Variants in SMAD2 observed in about 807,000 individuals in gnomAD.
The protein encoded by SMAD2 is SMAD family member 2.
A neutral mutation model predicts 64.4 loss-of-function variants in SMAD2; 8 were observed. The ratio of observed to expected loss-of-function variants is 0.12; its 90% CI spans 0.07 to 0.22. SMAD2 has a LOEUF of 0.22. Among genes scored for constraint, SMAD2 ranks in the 10% least tolerant of loss-of-function variants. The pLI is 1.00. For synonymous variants in SMAD2, 203 were observed against 195.8 expected, an observed-to-expected ratio of 1.04 and a Z score of -0.31; for missense variants, 289 against 561.2, an observed-to-expected ratio of 0.51 and a Z score of 4.90.
intron 1 of SMAD2, among the ~76,000 whole-genome samples, chr18:47,926,956 T>G (rs955828926): frequency 6.6e-6 from 1 of 152,146 alleles, no homozygotes; most frequent in East Asian, 1.9e-4. Flanking sequence ...GGTAGTAAAT[T>G]GCCCAGTATT....
Position 47,850,330 on chromosome 18 carries a change from TAA to T in SMAD2, c.784+942_784+943del, listed in dbSNP as rs1491292670. ...ATGTATGTTATATACATATTATGTATAATATATGTTATATATATTATACATAA... is the reference window on the plus strand; with the variant it reads ...ATGTATGTTATATACATATTATGTATTATATGTTATATATATTATACATAA... On this transcript the variant is annotated intron_variant, in intron 7 of 10. Coordinates refer to ENST00000262160, the MANE Select transcript of SMAD2 (RefSeq NM_005901.6). Among the ~76,000 whole-genome samples, 30 of 47,596 alleles carry T rather than the reference TAA, an allele frequency of 6.3e-4. 8 individuals are homozygous for T. The highest frequency in any genetic ancestry group is 3.0e-3 in the African/African-American group (30 of 10,058). The allele number at this position is 47,596 out of a possible 152,430, so 31.2% of individuals were successfully genotyped here. A position where few individuals can be genotyped will look rare whatever the true frequency, so the allele number is the denominator to read the frequency against.
intron 1 of SMAD2, among the ~76,000 whole-genome samples, chr18:47,928,563 C>T (rs562043742): frequency 6.6e-6 from 1 of 152,330 alleles, no homozygotes; most frequent in South Asian, 2.1e-4. Context: ...AGTTAAAACA[C>T]ATACCAAGCC....
intron 7 of SMAD2, among the ~76,000 whole-genome samples, chr18:47,850,375 A>T (rs1300712286): frequency 4.3e-5 from 1 of 23,070 alleles, no homozygotes; most frequent in South Asian, 1.5e-3. Context: ...AATATATATT[A>T]TATATATTAT....
rs1025166126 is a variant in SMAD2, at chr18:47,837,933, T to C, written c.*3894A>G. 2.2e-5 allele frequency: 5 copies of C among 232,554 alleles called. No individual in the cohort carries two copies. Among genetic ancestry groups the C allele is most frequent in the African/African-American group, 1.1e-4 (5 of 45,282 alleles). 14.4% of individuals were successfully genotyped at this position (232,554 alleles called of 1,614,324 possible). ...TCTTGTGTTACTTTATATCCCAACA[T>C]AAACCTACGCCACCCTCAGACGAAG... On this transcript the variant is annotated 3_prime_UTR_variant, in exon 11 of 11. Coordinates refer to ENST00000262160, the MANE Select transcript of SMAD2 (RefSeq NM_005901.6).
chr18:47,863,898 T>A (rs945060940), intron 6 of SMAD2, among the ~76,000 whole-genome samples: 34 of 152,130 alleles, frequency 2.2e-4, no homozygotes, highest in African/African-American at 7.5e-4. Flanking sequence ...CTACTAGCGA[T>A]ATATGAGGAC....
chr18:47,835,332 TTTAA>T lies in SMAD2; in HGVS notation c.*6491_*6494del, dbSNP rs1217791143. On this transcript the variant is annotated 3_prime_UTR_variant, in exon 11 of 11. Coordinates refer to ENST00000262160, the MANE Select transcript of SMAD2 (RefSeq NM_005901.6). ...TCATGTGTGAATTATTTCTCACAAT[TTTAA>T]TTAATCTGTGTGTATATTAGTTATA... 1 of 204,586 alleles carries T rather than the reference TTTAA, an allele frequency of 4.9e-6. No individual in the cohort carries two copies. The highest frequency in any genetic ancestry group is 1.0e-5 in the Non-Finnish European group (1 of 99,870). The allele number at this position is 204,586 out of a possible 1,614,324, so 12.7% of individuals were successfully genotyped here.
rs1955670037 is a variant in SMAD2, at chr18:47,837,528, C to T, written c.*4299G>A. 3 of 214,960 alleles carry T rather than the reference C, an allele frequency of 1.4e-5. No homozygotes were observed. Among genetic ancestry groups the T allele is most frequent in the Admixed American group, 1.3e-4 (2 of 15,324 alleles). 13.3% of individuals were successfully genotyped at this position (214,960 alleles called of 1,614,324 possible). Reference sequence around the variant, plus strand: ...AGTGAACCAAGATCGCACCACTGCACTCCAGGTTGGGCAACAGAGCGAGAC... The same window carrying T: ...AGTGAACCAAGATCGCACCACTGCATTCCAGGTTGGGCAACAGAGCGAGAC... On this transcript the variant is annotated 3_prime_UTR_variant, in exon 11 of 11. Transcript: ENST00000262160.
At chr18:47,908,059 A>G (rs1313978588) in intron 1 of SMAD2, among the ~76,000 whole-genome samples, 2 of 152,264 alleles carry the variant, frequency 1.3e-5, no homozygotes, top group Non-Finnish European at 2.9e-5. Context: ...TAAGTTAAAT[A>G]GACTTCTTTA....
chr18:47,881,100 G>A (rs946242636), intron 2 of SMAD2, among the ~76,000 whole-genome samples: 6 of 34,770 alleles, frequency 1.7e-4, no homozygotes, highest in Non-Finnish European at 3.5e-4. Flanking sequence ...ATTCGCCTAC[G>A]CCATTTCCTT....
intron 6 of SMAD2, among the ~76,000 whole-genome samples, chr18:47,860,022 C>G (rs1175925033): frequency 6.6e-6 from 1 of 152,048 alleles, no homozygotes; most frequent in Non-Finnish European, 1.5e-5. Context: ...GTGGTCCCAG[C>G]TTCTCGAGAG....
chr18:47,893,801 AT>A lies in SMAD2; in HGVS notation c.236+2719del, dbSNP rs141876590. Among the ~76,000 whole-genome samples, 1,404 of 152,298 alleles carry A rather than the reference AT, an allele frequency of 9.2e-3. 17 individuals carry two copies. The highest frequency in any genetic ancestry group is 0.024 in the Middle Eastern group (7 of 294). Reference sequence around the variant, plus strand: ...AAGCTACAGTGTGTAAAAAGTTAAAATTTTTTTGATAGACCATGATCAATAA... The same window carrying A: ...AAGCTACAGTGTGTAAAAAGTTAAAATTTTTTGATAGACCATGATCAATAA... On this transcript the variant is annotated intron_variant, in intron 2 of 10. Transcript: ENST00000262160.
At position 47,868,317 on chromosome 18, in the gene SMAD2, A is replaced by C; in HGVS notation, c.655+6T>G. ...AAGTTTTAGGAGATTCAGAAGGCAA[A>C]AATACCTGGAATATAATTACTCTGT... On this transcript the variant is annotated splice_donor_region_variant and intron_variant, in intron 5 of 10. Transcript: ENST00000262160. The C allele has an allele frequency of 1.2e-6, 2 of 1,612,664 alleles. No individual in the cohort carries two copies. Among genetic ancestry groups the C allele is most frequent in the Non-Finnish European group, 1.7e-6 (2 of 1,178,928 alleles).
In SMAD2 at chr18:47,831,753, C is replaced by T. The variant is rs893058176; in HGVS notation, c.*10074G>A. The T allele has an allele frequency of 1.3e-5, 2 of 151,362 alleles. No homozygotes were observed. The highest frequency in any genetic ancestry group is 4.8e-5 in the African/African-American group (2 of 41,424). 9.4% of individuals were successfully genotyped at this position (151,362 alleles called of 1,614,324 possible). ...ATTTTAAGAATTACTGCATGTCTCACTATGGCAAAATAGCATGACATTTGT... is the reference window on the plus strand; with the variant it reads ...ATTTTAAGAATTACTGCATGTCTCATTATGGCAAAATAGCATGACATTTGT... On this transcript the variant is annotated 3_prime_UTR_variant, in exon 11 of 11. Coordinates refer to ENST00000262160, the MANE Select transcript of SMAD2 (RefSeq NM_005901.6).
intron 6 of SMAD2, among the ~76,000 whole-genome samples, chr18:47,859,252 T>G (rs2030975491): frequency 6.6e-6 from 1 of 152,076 alleles, no homozygotes; most frequent in South Asian, 2.1e-4. Flanking sequence ...AGCTGAAAAT[T>G]TTAACACTTA....
intron 5 of SMAD2, among the ~76,000 whole-genome samples, chr18:47,867,816 G>A (rs1169797149): frequency 6.6e-6 from 1 of 152,078 alleles, no homozygotes; most frequent in Non-Finnish European, 1.5e-5. Context: ...CATAATTAAA[G>A]GAGGTTTTCT....
intron 6 of SMAD2, among the ~76,000 whole-genome samples, chr18:47,857,583 C>T (rs1004485261): frequency 1.3e-5 from 2 of 152,110 alleles, no homozygotes; most frequent in African/African-American, 4.8e-5. Context: ...AGTTATCACA[C>T]AGATATAGAT....
intron 1 of SMAD2, among the ~76,000 whole-genome samples, chr18:47,915,839 A>G (rs2034311853): frequency 6.6e-6 from 1 of 152,140 alleles, no homozygotes; most frequent in Admixed American, 6.5e-5. Context: ...TCAGGCAACT[A>G]CTGACTTCTA....
In SMAD2 at chr18:47,828,182, A is replaced by T. The variant is rs1912835882; in HGVS notation, c.*13645T>A. ...CGCCCAGCAACCACCCCGTCCGGGA[A>T]GTAAGGAGCGTCTCCGCCCAGCAGC... On this transcript the variant is annotated 3_prime_UTR_variant, in exon 11 of 11. Coordinates refer to ENST00000262160, the MANE Select transcript of SMAD2 (RefSeq NM_005901.6). 1 of 152,952 alleles carries T rather than the reference A, an allele frequency of 6.5e-6. No individual in the cohort carries two copies. Among genetic ancestry groups the T allele is most frequent in the African/African-American group, 2.5e-5 (1 of 39,378 alleles). 9.5% of individuals were successfully genotyped at this position (152,952 alleles called of 1,614,324 possible). A position where few individuals can be genotyped will look rare whatever the true frequency, so the allele number is the denominator to read the frequency against.
At position 47,823,232 on chromosome 18, in the gene SMAD2, G is replaced by C. The variant is rs1307346942; in HGVS notation, c.*18595C>G. On this transcript the variant is annotated 3_prime_UTR_variant, in exon 11 of 11. Transcript: ENST00000262160. ...ATAGGTAAAATCTAAAGTCTACCTT[G>C]ACTTAGCTTCTTAGCCTCAAGGAGG... The C allele has an allele frequency of 1.3e-5, 2 of 152,126 alleles. No homozygotes were observed. The highest frequency in any genetic ancestry group is 2.9e-5 in the Non-Finnish European group (2 of 68,026). 9.4% of individuals were successfully genotyped at this position (152,126 alleles called of 1,614,324 possible).
Sources: allele counts gnomAD v4.1 joint callset (sites outside exome capture counted in the v4.1 genomes callset), GRCh38; gene constraint gnomAD v4.1.1; transcripts MANE v1.5; gene names NCBI Gene and HGNC (gene_info 2026-07-23, HGNC 2026-07-21).